Variants in ADNP observed in about 807,000 individuals in gnomAD.
The protein encoded by ADNP is activity-dependent neuroprotector homeobox protein.
In ADNP, 4 loss-of-function variants were observed where a neutral mutation model predicts 84.9. That is an observed-to-expected ratio of 0.05 (90% CI 0.02 to 0.11). ADNP has a LOEUF of 0.11. Ranked by LOEUF, ADNP falls within the 10% of genes least tolerant of loss-of-function variation. The pLI, the probability that ADNP is intolerant of heterozygous loss-of-function variation, is 1.00. For synonymous variants in ADNP, 554 were observed against 468.1 expected, an observed-to-expected ratio of 1.18 and a Z score of -2.37; for missense variants, 1,132 against 1,326.0, an observed-to-expected ratio of 0.85 and a Z score of 2.27.
rs1389687176 is a variant in ADNP at position 50,889,831 on chromosome 20, C to G, written c.*1574G>C. The G allele has an allele frequency of 2.5e-6, 1 of 398,410 alleles. No homozygotes were observed. Among genetic ancestry groups the G allele is most frequent in the African/African-American group, 2.1e-5 (1 of 48,610 alleles). 24.7% of individuals were successfully genotyped at this position (398,410 alleles called of 1,614,324 possible). A position where few individuals can be genotyped will look rare whatever the true frequency, so the allele number is the denominator to read the frequency against. On this transcript the variant is annotated 3_prime_UTR_variant, in exon 6 of 6. Transcript: ENST00000621696. Reference sequence around the variant, plus strand: ...ACCAGCTCCTTCCATCTTTACAGCCCTGTCAGTGCTGTGCTCTTCAAAGCC... The same window carrying G: ...ACCAGCTCCTTCCATCTTTACAGCCGTGTCAGTGCTGTGCTCTTCAAAGCC...
Position 50,892,029 on chromosome 20 carries a change from A to G in ADNP, c.2685T>C (p.Pro895=). The G allele has an allele frequency of 1.2e-6, 2 of 1,614,198 alleles. No individual in the cohort carries two copies. Among genetic ancestry groups the G allele is most frequent in the Non-Finnish European group, 1.7e-6 (2 of 1,180,030 alleles). The change falls in exon 6 of 6, where the codon CCT becomes CCC. Residue 895 remains proline (P), a synonymous_variant. Coordinates refer to ENST00000621696, the MANE Select transcript of ADNP (RefSeq NM_001282531.3). Reference sequence around the variant, plus strand: ...AGATTTTAGGTTCAACTTCAAAAACAGGGTCAAAAGGGCTACCACTTTCAT... The same window carrying G: ...AGATTTTAGGTTCAACTTCAAAAACGGGGTCAAAAGGGCTACCACTTTCAT... The part of the protein sequence containing the change: ...ESNESGSPFD[P]VFEVEPKISN...
At position 50,903,815 on chromosome 20, in the gene ADNP, A is replaced by G. The variant is rs949496021; in HGVS notation, c.108+74T>C. ...TCAGAATCACATCTAAGATTTAGCC[A>G]TCTTGGCCACTGACACAAAGTAATG... On this transcript the variant is annotated intron_variant, in intron 4 of 5. Transcript: ENST00000621696. The G allele has an allele frequency of 1.1e-5, 12 of 1,113,414 alleles. No individual in the cohort carries two copies. The African/African-American group carries it at 1.9e-4, about 17-fold the overall frequency. 69.0% of individuals were successfully genotyped at this position (1,113,414 alleles called of 1,614,324 possible).
chr20:50,919,815 C>G (rs1353551059), intron 2 of ADNP, among the ~76,000 whole-genome samples: 1 of 152,076 alleles, frequency 6.6e-6, no homozygotes, highest in Admixed American at 6.5e-5. Context: ...AGAATGGTTG[C>G]TATGTCAAGC....
chr20:50,907,270 A>AT (rs151249796), intron 2 of ADNP, among the ~76,000 whole-genome samples: 50,289 of 134,586 alleles, frequency 0.37, 8,606 homozygotes, highest in Middle Eastern at 0.4. Context: ...CGCGCCCGGC[A>AT]TTTTTTTTTT....
In ADNP at chr20:50,889,769, G is replaced by C; in HGVS notation, c.*1636C>G. On this transcript the variant is annotated 3_prime_UTR_variant, in exon 6 of 6. Coordinates refer to ENST00000621696, the MANE Select transcript of ADNP (RefSeq NM_001282531.3). ...CTTCCTTGTAACTTTCTGCTTTTTA[G>C]TACAAGTTCTCTTGGGAATCTACGC... The C allele has an allele frequency of 2.5e-6, 1 of 397,200 alleles. No homozygotes were observed. The highest frequency in any genetic ancestry group is 4.4e-6 in the Non-Finnish European group (1 of 225,416). 24.6% of individuals were successfully genotyped at this position (397,200 alleles called of 1,614,324 possible).
rs1980484769 is a variant in ADNP, at chr20:50,889,959, T to C, written c.*1446A>G. Reference sequence around the variant, plus strand: ...GTGAAAACGAACGTTTAACTTCATCTAGAAGAAAAAACAAACAAAAAACCC... The same window carrying C: ...GTGAAAACGAACGTTTAACTTCATCCAGAAGAAAAAACAAACAAAAAACCC... On this transcript the variant is annotated 3_prime_UTR_variant, in exon 6 of 6. Transcript: ENST00000621696. 2.8e-6 allele frequency: 1 copy of C among 351,750 alleles called. No individual in the cohort carries two copies. 21.8% of individuals were successfully genotyped at this position (351,750 alleles called of 1,614,324 possible).
intron 2 of ADNP, among the ~76,000 whole-genome samples, chr20:50,928,385 AATACTT>A (rs1371820478): frequency 2.2e-4 from 34 of 152,238 alleles, no homozygotes; most frequent in Admixed American, 2.0e-3. Flanking sequence ...ATAGTAACTG[AATACTT>A]ATACTTTATA....
At chr20:50,915,022 T>C (rs1377517347) in intron 2 of ADNP, among the ~76,000 whole-genome samples, 1 of 152,222 alleles carries the variant, frequency 6.6e-6, no homozygotes, top group Non-Finnish European at 1.5e-5. Context: ...GTATGGTTTT[T>C]TAAAAAGGAA....
intron 1 of ADNP, among the ~76,000 whole-genome samples, chr20:50,930,375 C>T (rs1023186099): frequency 1.3e-5 from 2 of 152,128 alleles, no homozygotes; most frequent in African/African-American, 4.8e-5. Context: ...TCCCCCCTCC[C>T]CCAGGTAAGG....
intron 2 of ADNP, among the ~76,000 whole-genome samples, chr20:50,918,026 T>C (rs1168135004): frequency 6.6e-6 from 1 of 151,928 alleles, no homozygotes; most frequent in Non-Finnish European, 1.5e-5. Context: ...AAAAGTAAAA[T>C]GGTGGTTGCC....
chr20:50,904,232 C>T (rs8121263), intron 3 of ADNP: 147 of 498,780 alleles, frequency 2.9e-4, no homozygotes, highest in African/African-American at 2.6e-3. Context: ...CTTACTCTGT[C>T]GCGCAGGCTG....
At chr20:50,919,922 G>A (rs1983827241) in intron 2 of ADNP, among the ~76,000 whole-genome samples, 1 of 152,126 alleles carries the variant, frequency 6.6e-6, no homozygotes, top group South Asian at 2.1e-4. Flanking sequence ...TGTCTGGTAG[G>A]CACCGAGGAG....
intron 2 of ADNP, among the ~76,000 whole-genome samples, chr20:50,906,963 G>GTTTTTTTT (rs751919326): frequency 5.0e-5 from 6 of 119,262 alleles, no homozygotes; most frequent in African/African-American, 6.4e-5. Context: ...CAGGGTTCCA[G>GTTTTTTTT]TTTTTTTTTT....
intron 2 of ADNP, among the ~76,000 whole-genome samples, chr20:50,922,559 C>G (rs969846547): frequency 2.7e-5 from 4 of 148,522 alleles, no homozygotes; most frequent in Non-Finnish European, 5.9e-5. Context: ...TGGAAGCTCT[C>G]TGAACCCAGT....
chr20:50,919,335 T>A (rs1983776509), intron 2 of ADNP, among the ~76,000 whole-genome samples: 1 of 141,106 alleles, frequency 7.1e-6, no homozygotes, highest in South Asian at 2.2e-4. Flanking sequence ...CCAGGTGTGA[T>A]GGTGCATGCC....
intron 4 of ADNP, among the ~76,000 whole-genome samples, chr20:50,902,865 T>C (rs943667651): frequency 6.6e-6 from 1 of 152,196 alleles, no homozygotes; most frequent in African/African-American, 2.4e-5. Context: ...GAATGGACTG[T>C]TTCATTTGGG....
At chr20:50,914,626 A>G (rs1208722912) in intron 2 of ADNP, among the ~76,000 whole-genome samples, 4 of 152,186 alleles carry the variant, frequency 2.6e-5, no homozygotes, top group East Asian at 1.9e-4. Flanking sequence ...ATTCTTGTAT[A>G]CTGAATTTCG....
chr20:50,925,759 T>C (rs548642612), intron 2 of ADNP, among the ~76,000 whole-genome samples: 2 of 152,348 alleles, frequency 1.3e-5, no homozygotes, highest in East Asian at 3.9e-4. Context: ...GTGAGGTACA[T>C]CAGCAAAATA....
At position 50,894,251 on chromosome 20, in the gene ADNP, TAGG is replaced by T. The variant is rs775167383; in HGVS notation, c.460_462del (p.Pro154del). On this transcript the variant is annotated inframe_deletion, in exon 6 of 6. Transcript: ENST00000621696. ...GCTTGCTCTACACTGTCAGCCTGCT[TAGG>T]TTTAAGGCCATCATTTTTGTTTTTA... is the stretch of plus-strand genomic sequence containing the variant. The T allele has an allele frequency of 6.2e-7, 1 of 1,614,042 alleles. No individual in the cohort carries two copies. Among genetic ancestry groups the T allele is most frequent in the African/African-American group, 1.3e-5 (1 of 74,916 alleles).
Sources: gnomAD v4.1 joint callset for allele counts (sites outside exome capture counted in the v4.1 genomes callset) on GRCh38, gnomAD v4.1.1 for gene constraint, MANE v1.5 for transcripts, NCBI Gene and HGNC (gene_info 2026-07-23, HGNC 2026-07-21) for gene names.